DIDO1: variants seen among roughly 807,000 people sequenced by gnomAD.
The protein encoded by DIDO1 is death-inducer obliterator 1.
DIDO1 carries 16 observed loss-of-function variants against 99.4 expected under a neutral mutation model. The ratio of observed to expected loss-of-function variants is 0.16; its 90% CI spans 0.11 to 0.24. DIDO1 has a LOEUF of 0.24. Ranked by LOEUF, DIDO1 falls within the 10% of genes least tolerant of loss-of-function variation. The pLI, the probability that DIDO1 is intolerant of heterozygous loss-of-function variation, is 1.00. For synonymous variants in DIDO1, 1,366 were observed against 1,239.1 expected (o/e 1.10, Z -2.15); for missense variants, 2,996 against 3,014.0 (o/e 0.99, Z 0.14).
At chr20:62,887,612 G>C in intron 15 of DIDO1, 1 of 985,572 alleles carries the variant, frequency 1.0e-6, no homozygotes, top group Non-Finnish European at 1.2e-6. Flanking sequence ...GAGGCCTGCG[G>C]CTTCACGCGG....
At chr20:62,903,946 C>A (rs979307264) in intron 6 of DIDO1, among the ~76,000 whole-genome samples, 1 of 152,188 alleles carries the variant, frequency 6.6e-6, no homozygotes, top group South Asian at 2.1e-4. Context: ...GTGCAGGAGG[C>A]AGGCAGGAAG....
chr20:62,924,394 T>G (rs1490842896), intron 1 of DIDO1, among the ~76,000 whole-genome samples: 1 of 152,302 alleles, frequency 6.6e-6, no homozygotes, highest in East Asian at 1.9e-4. Context: ...CACTTGGTAT[T>G]ATGGGACAGG....
At chr20:62,884,334 A>C (rs2064263893) in intron 15 of DIDO1, among the ~76,000 whole-genome samples, 1 of 152,224 alleles carries the variant, frequency 6.6e-6, no homozygotes, top group South Asian at 2.1e-4. Context: ...GGAATATAAA[A>C]ACCCACATCC....
In DIDO1 at chr20:62,881,766, A is replaced by C; in HGVS notation, c.4190T>G (p.Phe1397Cys). ...PEEEYDPERA[F>C]DTQLVERGRR... ...CCCTCGCTCCACAAGCTGAGTGTCG[A>C]AGGCCCTCTCCGGGTCGTACTCCTC... Residue 1397 changes from phenylalanine to cysteine, a missense_variant, in exon 16 of 16, where the codon TTC (phenylalanine) becomes TGC (cysteine). Phe to Cys is a radical substitution (Grantham distance 205). Transcript: ENST00000395343. The surrounding 1 kb of genome is among the most constrained non-coding windows in gnomAD (Gnocchi z 8.3). 1 of 1,613,166 alleles carries C rather than the reference A, an allele frequency of 6.2e-7. No homozygotes were observed. The highest frequency in any genetic ancestry group is 8.5e-7 in the Non-Finnish European group (1 of 1,179,992).
At chr20:62,890,864 A>G (rs1429359322) in intron 15 of DIDO1, 96 bp downstream of exon 15, 1 of 1,600,168 alleles carries the variant, frequency 6.2e-7, no homozygotes, top group East Asian at 2.2e-5. Context: ...GCTCCCAGAG[A>G]GCCCTGGGCT....
intron 15 of DIDO1, chr20:62,890,210 C>T: frequency 1.0e-6 from 1 of 985,950 alleles, no homozygotes; most frequent in Non-Finnish European, 1.2e-6. Context: ...GAACACCAAT[C>T]CTCTGGGGAC....
At chr20:62,934,573 T>C (rs1487965850) in intron 1 of DIDO1, among the ~76,000 whole-genome samples, 1 of 152,208 alleles carries the variant, frequency 6.6e-6, no homozygotes, top group Non-Finnish European at 1.5e-5. Context: ...CTGCAGCGTT[T>C]TGTGGCATCT....
chr20:62,901,552 G>C (rs1432429763), intron 6 of DIDO1, among the ~76,000 whole-genome samples: 1 of 151,992 alleles, frequency 6.6e-6, no homozygotes, highest in Non-Finnish European at 1.5e-5. Flanking sequence ...GTTAAAATTA[G>C]TCCACAACCC....
At chr20:62,920,205 G>C (rs756972179) in intron 1 of DIDO1, among the ~76,000 whole-genome samples, 4 of 152,110 alleles carry the variant, frequency 2.6e-5, no homozygotes, top group Admixed American at 6.5e-5. Context: ...ATGTGAGTGG[G>C]GTGCGCTGCG....
rs1223730303 is a variant in DIDO1 at position 62,924,525 on chromosome 20, G to GAT, written c.-200+1913_-200+1914insAT. ...TGGGCTCCACAGAACTGACCTTAAG[G>GAT]GAATTATGACCCTAAGGCTGTAGAA... On this transcript the variant is annotated intron_variant, in intron 1 of 15. Transcript: ENST00000395343. Among the ~76,000 whole-genome samples, 14 of 152,250 alleles carry GAT rather than the reference G, an allele frequency of 9.2e-5. No individual in the cohort carries two copies. In the South Asian group the frequency reaches 2.9e-3, roughly 32 times the overall value.
chr20:62,888,354 C>CTTG, intron 15 of DIDO1: 1 of 985,554 alleles, frequency 1.0e-6, no homozygotes, highest in Non-Finnish European at 1.2e-6. Context: ...GCTCCCACAT[C>CTTG]AGTGCCCTGA....
chr20:62,880,700 A>C lies in DIDO1; in HGVS notation c.5256T>G (p.Gly1752=). The C allele has an allele frequency of 6.2e-7, 1 of 1,612,670 alleles. No individual in the cohort carries two copies. The highest frequency in any genetic ancestry group is 8.5e-7 in the Non-Finnish European group (1 of 1,179,896). ...KVGGSQPPFQ[G]QREPGPHALG... ...AAGCATGAGGTCCAGGTTCCCGCTG[A>C]CCCTGAAACGGGGGCTGAGAGCCCC... The change falls in exon 16 of 16, where the codon GGT becomes GGG. Residue 1752 remains glycine, a synonymous_variant. Transcript: ENST00000395343.
rs753643565 is a variant in DIDO1 at position 62,882,234 on chromosome 20, G to T, written c.3722C>A (p.Pro1241His). The change falls in exon 16 of 16, where the codon CCC becomes CAC. Residue 1241 changes from proline (P) to histidine (H), a missense_variant. By Grantham distance (77) the Pro-to-His change is moderately conservative. Coordinates refer to ENST00000395343, the MANE Select transcript of DIDO1 (RefSeq NM_001193369.2). ...VATVPQSEKK[P>H]SKYPLCSADA... is the part of the protein sequence containing the mutation. ...TGCAGAGCAGAGTGGATACTTGGAG[G>T]GCTTCTTTTCCGACTGCGGGACTGT... 6 of 1,613,854 alleles carry T rather than the reference G, an allele frequency of 3.7e-6. No individual in the cohort carries two copies. The highest frequency in any genetic ancestry group is 5.1e-6 in the Non-Finnish European group (6 of 1,180,026).
upstream of DIDO1, chr20:62,928,623 C>G (rs956483228): frequency 2.0e-5 from 3 of 152,222 alleles, no homozygotes; most frequent in Non-Finnish European, 4.4e-5. Context: ...CAAAAGAATA[C>G]TTTTTCCTAA....
chr20:62,898,126 G>A (rs764712182), intron 6 of DIDO1, among the ~76,000 whole-genome samples: 2 of 152,168 alleles, frequency 1.3e-5, no homozygotes, highest in African/African-American at 4.8e-5. Flanking sequence ...TTCTACCCAG[G>A]GACTGAAAAT....
chr20:62,892,987 A>G (rs766152931), intron 12 of DIDO1, 25 bp from the exon 13 acceptor site: 1 of 1,592,352 alleles, frequency 6.3e-7, no homozygotes, highest in Non-Finnish European at 8.6e-7. Context: ...CATAAAAAAA[A>G]AGTCAATGTC....
rs1454343430 is a variant in DIDO1, at chr20:62,878,921, A to C, written c.*312T>G. The C allele has an allele frequency of 4.0e-6, 1 of 248,640 alleles. No homozygotes were observed. Among genetic ancestry groups the C allele is most frequent in the East Asian group, 8.4e-5 (1 of 11,862 alleles). 15.4% of individuals were successfully genotyped at this position (248,640 alleles called of 1,614,324 possible). On this transcript the variant is annotated 3_prime_UTR_variant, in exon 16 of 16. Coordinates refer to ENST00000395343, the MANE Select transcript of DIDO1 (RefSeq NM_001193369.2). ...CAGTGAAGGTATGGCTCTAGGGTCC[A>C]ACGAAACTCCCTTAAAATTTACAAT...
Position 62,892,834 on chromosome 20 carries a change from G to A in DIDO1, c.3230C>T (p.Ser1077Phe). The change falls in exon 13 of 16, where the codon TCT becomes TTT. Residue 1077 changes from serine (S) to phenylalanine (F), a missense_variant. Transcript: ENST00000395343. Reference protein sequence around the residue: ...AKFVTKAYPVSGCFDYLSEDL... With the variant: ...AKFVTKAYPVFGCFDYLSEDL... ...CTCACTGAGGTAATCAAAACACCCA[G>A]AGACAGGATACGCCTTAGTGACAAA... 6.2e-7 allele frequency: 1 copy of A among 1,613,894 alleles called. No individual in the cohort carries two copies. The highest frequency in any genetic ancestry group is 8.5e-7 in the Non-Finnish European group (1 of 1,179,874).
intron 15 of DIDO1, among the ~76,000 whole-genome samples, chr20:62,885,743 T>C (rs1403185655): frequency 2.0e-5 from 3 of 152,194 alleles, no homozygotes; most frequent in Non-Finnish European, 4.4e-5. Flanking sequence ...CCAACTCATG[T>C]TTGTTATTAT....
Sources: allele counts gnomAD v4.1 joint callset (sites outside exome capture counted in the v4.1 genomes callset), GRCh38; gene constraint gnomAD v4.1.1; non-coding constraint Gnocchi (gnomAD v3.1); transcripts MANE v1.5; gene names NCBI Gene and HGNC (gene_info 2026-07-23, HGNC 2026-07-21).